Variants in PTPRT observed in about 807,000 individuals in gnomAD.
PTPRT encodes receptor-type tyrosine-protein phosphatase T.
PTPRT carries 56 observed loss-of-function variants against 176.8 expected under a neutral mutation model. That is an observed-to-expected ratio of 0.32 (90% CI 0.26 to 0.40). The LOEUF is 0.40. Ranked by LOEUF, PTPRT falls within the 10% of genes least tolerant of loss-of-function variation. The probability of loss-of-function intolerance (pLI) is 1.00; values close to 1 mark genes in which losing one functional copy is unlikely to be tolerated. For synonymous variants in PTPRT, 783 were observed against 739.0 expected, an observed-to-expected ratio of 1.06 and a Z score of -0.96; for missense variants, 1,540 against 1,908.2, an observed-to-expected ratio of 0.81 and a Z score of 3.60.
chr20:42,954,110 C>T (rs1168178235), intron 1 of PTPRT, among the ~76,000 whole-genome samples: 5 of 152,114 alleles, frequency 3.3e-5, no homozygotes, highest in East Asian at 1.9e-4. Context: ...GGTGGGCCCT[C>T]GACTCTGCAC....
In PTPRT at chr20:42,080,836, C is replaced by T; in HGVS notation, c.*43G>A. ...CCATTCACACAAAAGGGGGCTTGGT[C>T]ACAGCAGCCTCTGGACTCCGGCAGG... is the stretch of plus-strand genomic sequence containing the variant. On this transcript the variant is annotated 3_prime_UTR_variant, in exon 31 of 31. Transcript: ENST00000373187. 3.8e-6 allele frequency: 6 copies of T among 1,575,086 alleles called. No individual in the cohort carries two copies. Among genetic ancestry groups the T allele is most frequent in the Non-Finnish European group, 5.2e-6 (6 of 1,146,302 alleles).
chr20:42,105,502 C>T (rs1191750643), intron 24 of PTPRT, among the ~76,000 whole-genome samples: 2 of 152,158 alleles, frequency 1.3e-5, no homozygotes, highest in Non-Finnish European at 2.9e-5. Context: ...GTTAATCCAC[C>T]AGGCAGAAGT....
At chr20:42,678,999 A>G (rs1263363905) in intron 6 of PTPRT, among the ~76,000 whole-genome samples, 1 of 152,208 alleles carries the variant, frequency 6.6e-6, no homozygotes, top group Non-Finnish European at 1.5e-5. Flanking sequence ...GGTTTCTTCC[A>G]GCAGAGAAAG....
intron 9 of PTPRT, among the ~76,000 whole-genome samples, chr20:42,429,896 T>C (rs965938214): frequency 1.3e-5 from 2 of 152,194 alleles, no homozygotes; most frequent in Middle Eastern, 3.4e-3. Context: ...GTGGCTGTAA[T>C]GTAAAGTCTG....
intron 2 of PTPRT, among the ~76,000 whole-genome samples, chr20:42,837,311 C>T (rs769970795): frequency 1.3e-5 from 2 of 152,196 alleles, no homozygotes; most frequent in Admixed American, 6.5e-5. Context: ...ACTCACAGGT[C>T]CCCTCACCTT....
At chr20:42,194,128 C>T (rs6072650) in intron 16 of PTPRT, among the ~76,000 whole-genome samples, 36,291 of 152,086 alleles carry the variant, frequency 0.24, 5,219 homozygotes, top group African/African-American at 0.39. Context: ...AGAAAGACTT[C>T]GTAAACTATG....
At chr20:42,463,236 T>C (rs1169110779) in intron 8 of PTPRT, among the ~76,000 whole-genome samples, 1 of 152,194 alleles carries the variant, frequency 6.6e-6, no homozygotes, top group Non-Finnish European at 1.5e-5. Flanking sequence ...TTTTTTTGTC[T>C]TATCTTCTAA....
At chr20:42,555,423 A>G (rs758076328) in intron 7 of PTPRT, among the ~76,000 whole-genome samples, 1 of 152,218 alleles carries the variant, frequency 6.6e-6, no homozygotes, top group Non-Finnish European at 1.5e-5. Flanking sequence ...ATACAGAACG[A>G]TAATAGAACA....
intron 2 of PTPRT, among the ~76,000 whole-genome samples, chr20:42,833,938 C>T (rs916848136): frequency 1.3e-5 from 2 of 152,056 alleles, no homozygotes; most frequent in Non-Finnish European, 2.9e-5. Flanking sequence ...ATCTTTGTGG[C>T]CTTGGACTAG....
intron 1 of PTPRT, among the ~76,000 whole-genome samples, chr20:43,113,877 T>C (rs1032540607): frequency 6.6e-6 from 1 of 152,250 alleles, no homozygotes; most frequent in African/African-American, 2.4e-5. Flanking sequence ...TTCATTTGTG[T>C]ATAGAATTTC....
chr20:42,388,059 G>GCTC (rs2058761913), intron 9 of PTPRT, among the ~76,000 whole-genome samples: 1 of 152,120 alleles, frequency 6.6e-6, no homozygotes, highest in South Asian at 2.1e-4. Flanking sequence ...AAAGTGCTGG[G>GCTC]ATTACAGGCG....
At chr20:43,172,495 T>C (rs1389652607) in intron 1 of PTPRT, among the ~76,000 whole-genome samples, 1 of 152,244 alleles carries the variant, frequency 6.6e-6, no homozygotes, top group Non-Finnish European at 1.5e-5. Context: ...CAATGAGCAC[T>C]GAAGGTCCTA....
At chr20:42,212,021 A>AGTT in intron 15 of PTPRT, among the ~76,000 whole-genome samples, 1 of 144,844 alleles carries the variant, frequency 6.9e-6, no homozygotes, top group South Asian at 2.2e-4. Flanking sequence ...ACTGGAAAAC[A>AGTT]TCATTCTCAG....
intron 13 of PTPRT, among the ~76,000 whole-genome samples, chr20:42,267,989 G>C (rs1477414058): frequency 6.6e-6 from 1 of 152,144 alleles, no homozygotes; most frequent in Non-Finnish European, 1.5e-5. Flanking sequence ...AGGTGGCATT[G>C]CTGAGAGCTG....
intron 15 of PTPRT, among the ~76,000 whole-genome samples, chr20:42,214,395 C>T (rs1313641236): frequency 6.6e-6 from 1 of 152,184 alleles, no homozygotes; most frequent in Non-Finnish European, 1.5e-5. Context: ...TGCTCACTGC[C>T]TCTGTTGGGT....
chr20:42,281,773 G>T (rs1044821669), intron 13 of PTPRT, among the ~76,000 whole-genome samples: 1 of 152,120 alleles, frequency 6.6e-6, no homozygotes, highest in Non-Finnish European at 1.5e-5. Context: ...GGGAGGGTTT[G>T]CTGTTAAAAA....
intron 2 of PTPRT, among the ~76,000 whole-genome samples, chr20:42,799,531 A>G (rs920876027): frequency 2.0e-5 from 3 of 152,186 alleles, no homozygotes; most frequent in Non-Finnish European, 4.4e-5. Flanking sequence ...ATCTCCCAGG[A>G]GCAAAACTAA....
intron 2 of PTPRT, among the ~76,000 whole-genome samples, chr20:42,826,586 G>A (rs554142178): frequency 2.0e-5 from 3 of 152,332 alleles, no homozygotes; most frequent in East Asian, 3.9e-4. Flanking sequence ...AAGATCAAAT[G>A]TAGTATCTCT....
At chr20:42,995,581 A>C (rs905449130) in intron 1 of PTPRT, among the ~76,000 whole-genome samples, 3 of 152,120 alleles carry the variant, frequency 2.0e-5, no homozygotes, top group Non-Finnish European at 4.4e-5. Context: ...AGGACAGGCA[A>C]GCACCCCTGT....
Sources: allele counts gnomAD v4.1 joint callset (sites outside exome capture counted in the v4.1 genomes callset), GRCh38; gene constraint gnomAD v4.1.1; transcripts MANE v1.5; gene names NCBI Gene and HGNC (gene_info 2026-07-23, HGNC 2026-07-21).